The following ARHGAP20 variants were observed in gnomAD, a reference collection of about 807,000 sequenced individuals.
The protein encoded by ARHGAP20 is Rho GTPase activating protein 20.
Under a neutral mutation model 73.7 loss-of-function variants are expected in ARHGAP20, and 34 were observed. That is an observed-to-expected ratio of 0.46 (90% CI 0.35 to 0.61). ARHGAP20 has a LOEUF of 0.61. Among genes scored for constraint, ARHGAP20 ranks in the 20% least tolerant of loss-of-function variants. The pLI is 0.00. For missense variants in ARHGAP20, 1,314 were observed against 1,420.9 expected (o/e 0.92, Z 1.21); for synonymous variants, 523 against 518.2 (o/e 1.01, Z -0.13).
In ARHGAP20 at chr11:110,577,176, T is replaced by TATTA. The variant is rs1307109718; in HGVS notation, c.*2190_*2193dup. The TATTA allele has an allele frequency of 1.3e-6, 2 of 1,533,692 alleles. No individual in the cohort carries two copies. The highest frequency in any genetic ancestry group is 1.2e-5 in the South Asian group (1 of 83,540). On this transcript the variant is annotated 3_prime_UTR_variant, in exon 15 of 15. Coordinates refer to ENST00000683387, the MANE Select transcript of ARHGAP20 (RefSeq NM_001384657.1). Reference sequence around the variant, plus strand: ...TTCTGCAAGTACAAAAATACACATTTATTACATAACATATGGTAGTAAAAT... The same window carrying TATTA: ...TTCTGCAAGTACAAAAATACACATTTATTAATTACATAACATATGGTAGTAAAAT...
intron 1 of ARHGAP20, among the ~76,000 whole-genome samples, chr11:110,701,843 C>T (rs1490177649): frequency 6.6e-6 from 1 of 151,926 alleles, no homozygotes; most frequent in Non-Finnish European, 1.5e-5. Flanking sequence ...ATAGGGAATC[C>T]TTTCCCCATT....
chr11:110,710,956 A>C (rs1950638297), intron 1 of ARHGAP20, among the ~76,000 whole-genome samples: 1 of 151,202 alleles, frequency 6.6e-6, no homozygotes, highest in Non-Finnish European at 1.5e-5. Context: ...AGATGCCTCT[A>C]ATCGCAACTT....
Position 110,624,280 on chromosome 11 carries a change from T to C in ARHGAP20, c.385A>G (p.Ile129Val). ...GCTGTCCACATATCAGTTAATTTAA[T>C]TTTATTTTTTATCTTAAAGTTATTG... is the stretch of plus-strand genomic sequence containing the variant. ...YNNNFKIKNK[I>V]KLTDMWTASC... The change falls in exon 4 of 15, where the codon ATT becomes GTT. Residue 129 changes from isoleucine (I) to valine (V), a missense_variant. By Grantham distance (29) the Ile-to-Val change is conservative (BLOSUM62 3). Transcript: ENST00000683387. 1 of 1,592,952 alleles carries C rather than the reference T, an allele frequency of 6.3e-7. No individual in the cohort carries two copies. The highest frequency in any genetic ancestry group is 8.5e-7 in the Non-Finnish European group (1 of 1,169,926).
chr11:110,620,376 C>T (rs76404925), intron 4 of ARHGAP20, among the ~76,000 whole-genome samples: 2 of 151,982 alleles, frequency 1.3e-5, no homozygotes, highest in African/African-American at 2.4e-5. Flanking sequence ...GCCTCAAACT[C>T]CCCCCCTCAA....
chr11:110,658,141 T>C (rs1005438705), intron 2 of ARHGAP20, among the ~76,000 whole-genome samples: 5 of 152,206 alleles, frequency 3.3e-5, no homozygotes, highest in African/African-American at 9.7e-5. Flanking sequence ...GTCTGTCAAA[T>C]AGAAGTATTC....
At chr11:110,645,975 G>T (rs1949183183) in intron 2 of ARHGAP20, among the ~76,000 whole-genome samples, 1 of 151,986 alleles carries the variant, frequency 6.6e-6, no homozygotes. Flanking sequence ...AGAAGGGGGA[G>T]AGAGGTAGGG....
chr11:110,709,034 C>T (rs1240303169), intron 1 of ARHGAP20, among the ~76,000 whole-genome samples: 1 of 152,138 alleles, frequency 6.6e-6, no homozygotes, highest in Non-Finnish European at 1.5e-5. Flanking sequence ...CACTCAGTGG[C>T]ACTACTCTCC....
intron 2 of ARHGAP20, among the ~76,000 whole-genome samples, chr11:110,648,217 ATATG>A (rs1392467934): frequency 0.053 from 2,973 of 56,158 alleles, 51 homozygotes; most frequent in Middle Eastern, 0.086. Context: ...GTAAATATAT[ATATG>A]TATATATATA....
At chr11:110,686,325 A>C (rs1217673478) in intron 2 of ARHGAP20, among the ~76,000 whole-genome samples, 1 of 152,128 alleles carries the variant, frequency 6.6e-6, no homozygotes, top group Non-Finnish European at 1.5e-5. Context: ...CTTGAAAAGA[A>C]CTAATACATC....
intron 2 of ARHGAP20, among the ~76,000 whole-genome samples, chr11:110,681,412 T>TA (rs1265590344): frequency 2.0e-5 from 3 of 152,174 alleles, no homozygotes; most frequent in Non-Finnish European, 4.4e-5. Flanking sequence ...ACAACTACCT[T>TA]AGAGTCTCAG....
At position 110,581,016 on chromosome 11, in the gene ARHGAP20, A is replaced by T; in HGVS notation, c.1930T>A (p.Ser644Thr). ...TTCATTTGAACATCTTCATCTTTAG[A>T]ATGGGCCAAGTCAAAGTCGCTTAGG... ...LTLSDFDLAH[S>T]KDEDVQMKRP... The change falls in exon 15 of 15, where the codon TCT (serine) becomes ACT (threonine). Residue 644 changes from serine to threonine, a missense_variant. Transcript: ENST00000683387. The T allele has an allele frequency of 6.2e-7, 1 of 1,614,164 alleles. No homozygotes were observed.
intron 5 of ARHGAP20, 50 bp downstream of exon 5, chr11:110,615,503 A>G: frequency 6.5e-7 from 1 of 1,538,306 alleles, no homozygotes; most frequent in Non-Finnish European, 8.9e-7. Context: ...AAAGGTCTTA[A>G]TTCATTTATT....
At position 110,580,718 on chromosome 11, in the gene ARHGAP20, A is replaced by C; in HGVS notation, c.2228T>G (p.Leu743Arg). ...AILSQKDEDY[L>R]KQNQPLQEEG... ...CTCCTGGAGGGGTTGATTCTGCTTC[A>C]GATAGTCTTCATCTTTTTGAGAAAG... is the stretch of plus-strand genomic sequence containing the variant. The change falls in exon 15 of 15, where the codon CTG (leucine) becomes CGG (arginine). Residue 743 changes from leucine to arginine, a missense_variant. Physicochemically the swap from Leu to Arg is moderately radical, Grantham distance 102. Coordinates refer to ENST00000683387, the MANE Select transcript of ARHGAP20 (RefSeq NM_001384657.1). 1 of 1,614,100 alleles carries C rather than the reference A, an allele frequency of 6.2e-7. No individual in the cohort carries two copies. The highest frequency in any genetic ancestry group is 8.5e-7 in the Non-Finnish European group (1 of 1,179,980).
rs771798089 is a variant in ARHGAP20, at chr11:110,592,064, T to C, written c.1056A>G (p.Ser352=). The C allele has an allele frequency of 3.7e-6, 6 of 1,614,182 alleles. No individual in the cohort carries two copies. In the South Asian group the frequency reaches 6.6e-5, roughly 18 times the overall value. Residue 352 remains serine (S), a synonymous_variant, in exon 10 of 15, where the codon TCA becomes TCG. Coordinates refer to ENST00000683387, the MANE Select transcript of ARHGAP20 (RefSeq NM_001384657.1). ...GSSTHLDNLP[S]SPTSPMPGQL... ...GTCCTGGCATAGGTGATGTTGGCGA[T>C]GAGGGCAAGTTGTCCAGGTGAGTGC...
At chr11:110,613,526 C>G (rs1441151758) in intron 6 of ARHGAP20, among the ~76,000 whole-genome samples, 3 of 152,088 alleles carry the variant, frequency 2.0e-5, no homozygotes, top group Admixed American at 2.0e-4. Flanking sequence ...GGACATCAGT[C>G]CTTTCTCAAG....
At chr11:110,630,587 G>A in intron 3 of ARHGAP20, 41 bp downstream of exon 3, 1 of 1,572,172 alleles carries the variant, frequency 6.4e-7, no homozygotes, top group Non-Finnish European at 8.7e-7. Context: ...TAGTAAAAGT[G>A]CAATTTTATA....
Position 110,697,932 on chromosome 11 carries a change from T to C in ARHGAP20, c.106-7303A>G, listed in dbSNP as rs961143174. On this transcript the variant is annotated intron_variant, in intron 1 of 14. Coordinates refer to ENST00000683387, the MANE Select transcript of ARHGAP20 (RefSeq NM_001384657.1). ...CTCTTTTTTTGGTTCCATATGAACT[T>C]TAGGATTTTTTTCCTAATTGTGTGA... Among the ~76,000 whole-genome samples the C allele has an allele frequency of 1.1e-4, 17 of 151,930 alleles. No individual in the cohort carries two copies. The South Asian group carries it at 1.5e-3, about 13-fold the overall frequency.
chr11:110,633,623 G>A (rs891893518), intron 2 of ARHGAP20, among the ~76,000 whole-genome samples: 3 of 152,120 alleles, frequency 2.0e-5, no homozygotes, highest in African/African-American at 7.2e-5. Flanking sequence ...TCCTGTGCTA[G>A]CTTAGGTGTA....
intron 9 of ARHGAP20, among the ~76,000 whole-genome samples, chr11:110,593,070 T>G (rs1947868225): frequency 6.6e-6 from 1 of 152,154 alleles, no homozygotes; most frequent in Non-Finnish European, 1.5e-5. Context: ...TGGGGGTGTT[T>G]GCATTTGACT....
Sources: allele counts gnomAD v4.1 joint callset (sites outside exome capture counted in the v4.1 genomes callset), GRCh38; gene constraint gnomAD v4.1.1; transcripts MANE v1.5; gene names NCBI Gene and HGNC (gene_info 2026-07-23, HGNC 2026-07-21).